Variants in TTC1 observed in about 807,000 individuals in gnomAD.
The protein encoded by TTC1 is tetratricopeptide repeat domain 1.
In TTC1, 31 loss-of-function variants were observed where a neutral mutation model predicts 37.6. That is an observed-to-expected ratio of 0.82 (90% CI 0.62 to 1.11). The LOEUF is 1.11. Among genes scored for constraint, TTC1 ranks in the 50% most tolerant of loss-of-function variants. The probability of loss-of-function intolerance (pLI) is 0.00; values close to 1 mark genes in which losing one functional copy is unlikely to be tolerated. For synonymous variants in TTC1, 127 were observed against 122.4 expected, an observed-to-expected ratio of 1.04 and a Z score of -0.25; for missense variants, 351 against 339.0, an observed-to-expected ratio of 1.04 and a Z score of -0.28.
Position 160,035,198 on chromosome 5 carries a change from G to A in TTC1, c.389G>A (p.Gly130Glu). Reference protein sequence around the residue: ...KEEGNEQFKKGDYIEAESSYS... With the variant: ...KEEGNEQFKKEDYIEAESSYS... ...GAGGGAAATGAACAGTTTAAGAAAG[G>A]AGGTAAGACGACTTTCAGCACTGAT... The change falls in exon 3 of 8, where the codon GGA becomes GAA. Residue 130 changes from glycine (G) to glutamate (E), a missense_variant and splice_region_variant. By Grantham distance (98) the Gly-to-Glu change is moderately conservative. Transcript: ENST00000231238. 1 of 1,603,404 alleles carries A rather than the reference G, an allele frequency of 6.2e-7. No homozygotes were observed. The highest frequency in any genetic ancestry group is 8.5e-7 in the Non-Finnish European group (1 of 1,175,738).
At chr5:160,024,089 T>C (rs1244740257) in intron 2 of TTC1, 2 of 859,160 alleles carry the variant, frequency 2.3e-6, no homozygotes, top group East Asian at 2.5e-5. Context: ...GGATGGGCAA[T>C]GGGTAGAGCC....
At chr5:160,059,765 T>C (rs2113416696) in intron 7 of TTC1, among the ~76,000 whole-genome samples, 1 of 152,298 alleles carries the variant, frequency 6.6e-6, no homozygotes, top group East Asian at 1.9e-4. Context: ...AATTAAATAG[T>C]AACCTCACAG....
chr5:160,025,994 C>T (rs531740767), intron 2 of TTC1, among the ~76,000 whole-genome samples: 1 of 152,242 alleles, frequency 6.6e-6, no homozygotes, highest in Admixed American at 6.5e-5. Flanking sequence ...AAAAGCAATC[C>T]GGAACTGTTA....
intron 2 of TTC1, among the ~76,000 whole-genome samples, chr5:160,020,561 C>T (rs1354573816): frequency 1.3e-5 from 2 of 152,246 alleles, no homozygotes; most frequent in Non-Finnish European, 1.5e-5. Flanking sequence ...GTGAGCGAAG[C>T]TTCATCTGTA....
chr5:160,056,134 T>C (rs6556466), intron 7 of TTC1, among the ~76,000 whole-genome samples: 10,920 of 152,246 alleles, frequency 0.072, 468 homozygotes, highest in East Asian at 0.12. Context: ...CCTAGAGCAG[T>C]TACTTGAAAC....
intron 2 of TTC1, among the ~76,000 whole-genome samples, chr5:160,032,883 T>G: frequency 6.7e-6 from 1 of 150,004 alleles, no homozygotes; most frequent in African/African-American, 2.5e-5. Flanking sequence ...CCAGCTAATT[T>G]TTTTTTTTGG....
chr5:160,054,657 GA>G (rs1047889654), intron 7 of TTC1, among the ~76,000 whole-genome samples: 49 of 142,648 alleles, frequency 3.4e-4, no homozygotes, highest in South Asian at 6.7e-4. Flanking sequence ...CCACAATATA[GA>G]AAAAAAAAAA....
At chr5:160,064,827 G>T in intron 7 of TTC1, 105 bp from the exon 8 acceptor site, 1 of 1,246,992 alleles carries the variant, frequency 8.0e-7, no homozygotes, top group Admixed American at 2.5e-5. Flanking sequence ...TAACTGCAAA[G>T]AGATACTTTT....
intron 2 of TTC1, among the ~76,000 whole-genome samples, chr5:160,015,368 C>T (rs150594793): frequency 1.3e-5 from 2 of 152,144 alleles, no homozygotes; most frequent in Non-Finnish European, 2.9e-5. Context: ...TTCCACCACA[C>T]CTTGCTAAAT....
intron 4 of TTC1, among the ~76,000 whole-genome samples, chr5:160,040,256 A>G (rs539464009): frequency 4.6e-5 from 7 of 151,786 alleles, no homozygotes; most frequent in Non-Finnish European, 8.8e-5. Context: ...AAACACACAC[A>G]CATATGTATA....
Position 160,010,707 on chromosome 5 carries a change from A to G in TTC1, c.179A>G (p.Glu60Gly), listed in dbSNP as rs1756486614. The change falls in exon 2 of 8, where the codon GAG (glutamate) becomes GGG (glycine). Residue 60 changes from glutamate (E) to glycine (G), a missense_variant. Transcript: ENST00000231238. ...CATCTCCAGGAGGACCAGGGAGAAG[A>G]GGAGTGTTTTCATGACTGCAGTGCC... ...EAHLQEDQGE[E>G]ECFHDCSASF... The G allele has an allele frequency of 6.2e-7, 1 of 1,613,734 alleles. No individual in the cohort carries two copies.
intron 2 of TTC1, among the ~76,000 whole-genome samples, chr5:160,031,972 C>T (rs979630287): frequency 1.3e-5 from 2 of 152,208 alleles, no homozygotes; most frequent in African/African-American, 4.8e-5. Flanking sequence ...GCCTGGGCAA[C>T]AGAAGGAGAC....
intron 2 of TTC1, among the ~76,000 whole-genome samples, chr5:160,019,136 G>A (rs997285306): frequency 6.6e-5 from 10 of 152,186 alleles, no homozygotes; most frequent in African/African-American, 2.4e-4. Context: ...CTAGTGGTTT[G>A]CAAATGGTAT....
At chr5:160,025,215 A>G (rs150410817) in intron 2 of TTC1, among the ~76,000 whole-genome samples, 220 of 152,212 alleles carry the variant, frequency 1.4e-3, no homozygotes, top group Non-Finnish European at 2.7e-3. Context: ...TTTAATAGAG[A>G]TGGGGTTTGA....
In TTC1 at chr5:160,036,684, T is replaced by C. The variant is rs190545660; in HGVS notation, c.392-7T>C. 25 of 1,587,516 alleles carry C rather than the reference T, an allele frequency of 1.6e-5. No individual in the cohort carries two copies. In the East Asian group the frequency reaches 3.4e-4, roughly 21 times the overall value. The stretch of plus-strand genomic sequence containing the variant: ...AAATGACCATTCATCCTTTCTCTTA[T>C]CCTCAGATTATATAGAAGCTGAAAG... On this transcript the variant is annotated splice_region_variant and splice_polypyrimidine_tract_variant and intron_variant, in intron 3 of 7. Coordinates refer to ENST00000231238, the MANE Select transcript of TTC1 (RefSeq NM_003314.3).
chr5:160,044,673 G>A lies in TTC1; in HGVS notation c.541+1504G>A, dbSNP rs375021505. ...TTCCATCGCCATCTTGGCTTTGGTGGGCTTTGGCCAGCCTCTTTACTGCAT... is the reference window on the plus strand; with the variant it reads ...TTCCATCGCCATCTTGGCTTTGGTGAGCTTTGGCCAGCCTCTTTACTGCAT... On this transcript the variant is annotated intron_variant, in intron 5 of 7. Coordinates refer to ENST00000231238, the MANE Select transcript of TTC1 (RefSeq NM_003314.3). Among the ~76,000 whole-genome samples the A allele has an allele frequency of 2.0e-5, 3 of 152,156 alleles. No homozygotes were observed. The East Asian group carries it at 5.8e-4, about 29-fold the overall frequency.
chr5:160,023,978 C>T lies in TTC1; in HGVS notation c.331-11162C>T, dbSNP rs1581096764. On this transcript the variant is annotated intron_variant, in intron 2 of 7. Transcript: ENST00000231238. ...AGGTATCAGAGAGTATTTGGTCCCA[C>T]CTGGTTGCATGAAACAATCTTTTGC... 4 of 1,550,410 alleles carry T rather than the reference C, an allele frequency of 2.6e-6. No individual in the cohort carries two copies. The African/African-American group carries it at 4.1e-5, about 16-fold the overall frequency.
chr5:160,030,199 A>G (rs1005267183), intron 2 of TTC1, among the ~76,000 whole-genome samples: 1 of 152,220 alleles, frequency 6.6e-6, no homozygotes, highest in Admixed American at 6.5e-5. Flanking sequence ...TTTGAAAACT[A>G]CAGAAAATTT....
intron 6 of TTC1, among the ~76,000 whole-genome samples, chr5:160,049,968 A>T (rs1347890602): frequency 6.6e-6 from 1 of 151,960 alleles, no homozygotes; most frequent in Non-Finnish European, 1.5e-5. Flanking sequence ...AATCCTAGCT[A>T]CTCGGGAGGC....
Sources: gnomAD v4.1 joint callset for allele counts (sites outside exome capture counted in the v4.1 genomes callset) on GRCh38, gnomAD v4.1.1 for gene constraint, MANE v1.5 for transcripts, NCBI Gene and HGNC (gene_info 2026-07-23, HGNC 2026-07-21) for gene names.